The following RBFOX1 variants were observed in gnomAD, a reference collection of about 807,000 sequenced individuals.
The protein encoded by RBFOX1 is RNA binding fox-1 homolog 1, also known as RNA binding protein fox-1 homolog 1.
Under a neutral mutation model 57.7 loss-of-function variants are expected in RBFOX1, and 8 were observed. That is an observed-to-expected ratio of 0.14 (90% CI 0.08 to 0.25). RBFOX1 has a LOEUF of 0.25. Among genes scored for constraint, RBFOX1 ranks in the 10% least tolerant of loss-of-function variants. The pLI, the probability that RBFOX1 is intolerant of heterozygous loss-of-function variation, is 1.00. For synonymous variants in RBFOX1, 326 were observed against 222.4 expected (o/e 1.47, Z -4.15); for missense variants, 611 against 548.5 (o/e 1.11, Z -1.14).
intron 4 of RBFOX1, among the ~76,000 whole-genome samples, chr16:7,431,998 G>C (rs909558174): frequency 6.6e-6 from 1 of 152,236 alleles, no homozygotes; most frequent in African/African-American, 2.4e-5. Context: ...GCAGCCTGTG[G>C]CACCTAGAAG....
chr16:5,630,051 T>A (rs1479185746), intron 3 of RBFOX1, among the ~76,000 whole-genome samples: 1 of 152,158 alleles, frequency 6.6e-6, no homozygotes, highest in Admixed American at 6.5e-5. Flanking sequence ...CAGATACATA[T>A]CAGGATTCTC....
intron 3 of RBFOX1, among the ~76,000 whole-genome samples, chr16:6,926,258 G>C (rs2075565627): frequency 6.6e-6 from 1 of 152,134 alleles, no homozygotes. Flanking sequence ...AGTGAGCTGA[G>C]ATCACACCAC....
intron 3 of RBFOX1, among the ~76,000 whole-genome samples, chr16:6,908,960 G>T (rs776640556): frequency 6.6e-6 from 1 of 152,098 alleles, no homozygotes; most frequent in Non-Finnish European, 1.5e-5. Context: ...CCCCCAACAC[G>T]CTCTCTCTGG....
chr16:7,344,310 TA>T (rs1413509533), intron 4 of RBFOX1, among the ~76,000 whole-genome samples: 4 of 150,306 alleles, frequency 2.7e-5, no homozygotes, highest in African/African-American at 4.9e-5. Flanking sequence ...TAGTCAGGGC[TA>T]AAAAAAACTG....
intron 4 of RBFOX1, among the ~76,000 whole-genome samples, chr16:7,454,336 G>C (rs2058040173): frequency 6.6e-6 from 1 of 152,192 alleles, no homozygotes; most frequent in Non-Finnish European, 1.5e-5. Flanking sequence ...TGAAGTAGAT[G>C]GGGGTGGGCC....
chr16:5,979,557 A>G (rs559196641), intron 4 of RBFOX1, among the ~76,000 whole-genome samples: 1 of 152,238 alleles, frequency 6.6e-6, no homozygotes, highest in East Asian at 1.9e-4. Context: ...GTTAAGTTTC[A>G]CCACGTAGAA....
At chr16:6,198,335 A>G (rs1167199020) in intron 1 of RBFOX1, among the ~76,000 whole-genome samples, 2 of 152,252 alleles carry the variant, frequency 1.3e-5, no homozygotes, top group African/African-American at 2.4e-5. Context: ...AGATACATTC[A>G]AGGGAATAAC....
chr16:6,597,374 C>A (rs533191269), intron 2 of RBFOX1, among the ~76,000 whole-genome samples: 1 of 152,118 alleles, frequency 6.6e-6, no homozygotes, highest in South Asian at 2.1e-4. Context: ...TCCTAGCCTC[C>A]TTTAAAACCA....
chr16:5,965,445 C>T (rs1369337780), intron 4 of RBFOX1, among the ~76,000 whole-genome samples: 1 of 152,142 alleles, frequency 6.6e-6, no homozygotes, highest in African/African-American at 2.4e-5. Flanking sequence ...AACCATACCT[C>T]CACAAAGCTA....
At chr16:7,243,831 T>C (rs2094173232) in intron 4 of RBFOX1, among the ~76,000 whole-genome samples, 1 of 152,298 alleles carries the variant, frequency 6.6e-6, no homozygotes, top group Middle Eastern at 3.4e-3. Flanking sequence ...ATTAGAGGTA[T>C]GAGCCACTGC....
intron 5 of RBFOX1, among the ~76,000 whole-genome samples, chr16:7,556,424 T>C (rs755073971): frequency 2.4e-4 from 36 of 152,330 alleles, no homozygotes; most frequent in Non-Finnish European, 4.6e-4. Flanking sequence ...TAGATGATGG[T>C]ACCCAAGATA....
intron 3 of RBFOX1, among the ~76,000 whole-genome samples, chr16:5,781,070 T>C (rs1201527301): frequency 6.6e-6 from 1 of 152,194 alleles, no homozygotes; most frequent in African/African-American, 2.4e-5. Context: ...TTGGCAACTT[T>C]TAAAAACCAT....
intron 4 of RBFOX1, among the ~76,000 whole-genome samples, chr16:7,275,975 T>A (rs569359326): frequency 5.7e-4 from 87 of 152,314 alleles, no homozygotes; most frequent in Non-Finnish European, 1.0e-3. Flanking sequence ...TGTCATCATA[T>A]AAACTGAAGA....
chr16:6,641,281 G>A (rs570439690), intron 2 of RBFOX1, among the ~76,000 whole-genome samples: 2 of 152,252 alleles, frequency 1.3e-5, no homozygotes, highest in South Asian at 4.1e-4. Context: ...GGAATTTCAA[G>A]GACCTAGAGG....
chr16:7,005,337 T>C (rs2093204470), intron 3 of RBFOX1, among the ~76,000 whole-genome samples: 1 of 152,070 alleles, frequency 6.6e-6, no homozygotes, highest in African/African-American at 2.4e-5. Flanking sequence ...TCTTGCTTGC[T>C]TTGGGGGAGA....
At chr16:6,728,612 T>G (rs1057149147) in intron 3 of RBFOX1, among the ~76,000 whole-genome samples, 5 of 152,170 alleles carry the variant, frequency 3.3e-5, no homozygotes, top group African/African-American at 9.7e-5. Flanking sequence ...AGAAGCTGCC[T>G]CATATTGGAG....
At chr16:7,616,412 T>C (rs1391464356) in intron 10 of RBFOX1, among the ~76,000 whole-genome samples, 1 of 152,218 alleles carries the variant, frequency 6.6e-6, no homozygotes, top group Non-Finnish European at 1.5e-5. Context: ...GTTACTCACA[T>C]AGGCAAGCTG....
intron 1 of RBFOX1, among the ~76,000 whole-genome samples, chr16:6,301,889 A>T (rs902571072): frequency 6.6e-6 from 1 of 152,124 alleles, no homozygotes; most frequent in Non-Finnish European, 1.5e-5. Context: ...CCTTACGGGG[A>T]TCCGGTAGCA....
intron 2 of RBFOX1, among the ~76,000 whole-genome samples, chr16:6,618,852 T>A (rs1016458207): frequency 2.6e-5 from 4 of 152,182 alleles, no homozygotes; most frequent in Non-Finnish European, 5.9e-5. Context: ...AATTCACCTC[T>A]TTGGACCCTG....
Sources: allele counts gnomAD v4.1 joint callset (sites outside exome capture counted in the v4.1 genomes callset), GRCh38; gene constraint gnomAD v4.1.1; transcripts MANE v1.5; gene names NCBI Gene and HGNC (gene_info 2026-07-23, HGNC 2026-07-21).